LHFPL2: variants seen among roughly 807,000 people sequenced by gnomAD.
LHFPL2 encodes the protein LHFPL tetraspan subfamily member 2 protein.
In LHFPL2, 7 loss-of-function variants were observed where a neutral mutation model predicts 17.5. The observed-to-expected ratio is 0.40, with a 90% CI of 0.23 to 0.75. The LOEUF (loss-of-function observed/expected upper bound fraction) is 0.75. Among genes scored for constraint, LHFPL2 ranks in the 30% least tolerant of loss-of-function variants. The pLI is 0.37. For missense variants in LHFPL2, 241 were observed against 294.8 expected (o/e 0.82, Z 1.34); for synonymous variants, 134 against 116.2 (o/e 1.15, Z -0.99).
Position 78,536,072 on chromosome 5 carries a change from G to A in LHFPL2, c.-185-25674C>T, listed in dbSNP as rs987858894. On this transcript the variant is annotated intron_variant, in intron 3 of 4. Coordinates refer to ENST00000380345, the MANE Select transcript of LHFPL2 (RefSeq NM_005779.3). The stretch of plus-strand genomic sequence containing the variant: ...AGCTTCCATACCAAAGCTAACTAAC[G>A]CTTATCAGGAGCCCATATCAAGAAC... 4.6e-5 allele frequency among the ~76,000 whole-genome samples: 7 copies of A among 152,218 alleles called. No individual in the cohort carries two copies. The South Asian group carries it at 1.0e-3, about 23-fold the overall frequency.
In LHFPL2 at chr5:78,488,365, A is replaced by G. The variant is rs973379219; in HGVS notation, c.*532T>C. 1.2e-5 allele frequency: 2 copies of G among 165,224 alleles called. No homozygotes were observed. The highest frequency in any genetic ancestry group is 2.4e-5 in the African/African-American group (1 of 41,656). 10.2% of individuals were successfully genotyped at this position (165,224 alleles called of 1,614,324 possible). The stretch of plus-strand genomic sequence containing the variant: ...GCCATCCCTGCTGACCCCTTTGGTC[A>G]GCTAAGCAAAAGACAGTGTCTTGCT... On this transcript the variant is annotated 3_prime_UTR_variant, in exon 5 of 5. Transcript: ENST00000380345.
chr5:78,536,739 G>A (rs1755960691), intron 3 of LHFPL2, among the ~76,000 whole-genome samples: 1 of 152,138 alleles, frequency 6.6e-6, no homozygotes, highest in African/African-American at 2.4e-5. Context: ...CCAGCCATAT[G>A]CATTTTTACC....
At position 78,643,372 on chromosome 5, in the gene LHFPL2, G is replaced by A. The variant is rs959698084; in HGVS notation, c.-350+5127C>T. On this transcript the variant is annotated intron_variant, in intron 1 of 4. Coordinates refer to ENST00000380345, the MANE Select transcript of LHFPL2 (RefSeq NM_005779.3). ...ATCTTCTATACCAAAAGAGAATCAA[G>A]TATTTCAAATGCCAGCTAAGACTCT... is the stretch of plus-strand genomic sequence containing the variant. Among the ~76,000 whole-genome samples the A allele has an allele frequency of 2.0e-5, 3 of 152,164 alleles. No homozygotes were observed. The East Asian group carries it at 5.8e-4, about 29-fold the overall frequency.
chr5:78,609,066 A>C (rs1744323381), intron 2 of LHFPL2, among the ~76,000 whole-genome samples: 1 of 152,156 alleles, frequency 6.6e-6, no homozygotes. Context: ...AAATGTTTAT[A>C]CTCTGACTCA....
intron 4 of LHFPL2, among the ~76,000 whole-genome samples, chr5:78,498,634 T>A (rs765577933): frequency 1.8e-4 from 27 of 152,198 alleles, no homozygotes; most frequent in Non-Finnish European, 3.2e-4. Context: ...GCCATTAAGA[T>A]ATTCTCTTCC....
intron 2 of LHFPL2, among the ~76,000 whole-genome samples, chr5:78,565,162 C>T (rs1280070962): frequency 6.6e-6 from 1 of 152,064 alleles, no homozygotes; most frequent in African/African-American, 2.4e-5. Flanking sequence ...ACAAGGGGAC[C>T]AACTTAAAAA....
chr5:78,503,685 C>G (rs892140740), intron 4 of LHFPL2, among the ~76,000 whole-genome samples: 1 of 146,926 alleles, frequency 6.8e-6, no homozygotes, highest in Admixed American at 6.8e-5. Context: ...GCAATAAGAG[C>G]GAAACTCCAT....
At chr5:78,523,375 C>T (rs1755517512) in intron 3 of LHFPL2, among the ~76,000 whole-genome samples, 1 of 152,088 alleles carries the variant, frequency 6.6e-6, no homozygotes, top group South Asian at 2.1e-4. Context: ...GTTAGGCACT[C>T]AGGAGACTTG....
At chr5:78,535,569 C>T (rs913593327) in intron 3 of LHFPL2, among the ~76,000 whole-genome samples, 2 of 152,172 alleles carry the variant, frequency 1.3e-5, no homozygotes, top group African/African-American at 4.8e-5. Context: ...AGGCCCCTCC[C>T]TCACCGTCAG....
chr5:78,512,753 G>A (rs1223397316), intron 3 of LHFPL2, among the ~76,000 whole-genome samples: 1 of 145,638 alleles, frequency 6.9e-6, no homozygotes, highest in Non-Finnish European at 1.5e-5. Flanking sequence ...TCTGTTAAAT[G>A]TAATTTTTCT....
intron 2 of LHFPL2, among the ~76,000 whole-genome samples, chr5:78,579,789 T>A (rs1466963231): frequency 6.6e-6 from 1 of 152,220 alleles, no homozygotes; most frequent in South Asian, 2.1e-4. Flanking sequence ...TTGTGAATAA[T>A]GCCGCAATAA....
rs1754213131 is a variant in LHFPL2, at chr5:78,485,648, A to AGAT, written c.*3246_*3248dup. 1 of 152,628 alleles carries AGAT rather than the reference A, an allele frequency of 6.6e-6. No individual in the cohort carries two copies. 9.5% of individuals were successfully genotyped at this position (152,628 alleles called of 1,614,324 possible). A position where few individuals can be genotyped will look rare whatever the true frequency, so the allele number is the denominator to read the frequency against. On this transcript the variant is annotated 3_prime_UTR_variant, in exon 5 of 5. Coordinates refer to ENST00000380345, the MANE Select transcript of LHFPL2 (RefSeq NM_005779.3). Reference sequence around the variant, plus strand: ...AGACTCTTACAGCTAAGGAGGTGTGAGATTAGCCCTTAAATACTGGTCTAG... The same window carrying AGAT: ...AGACTCTTACAGCTAAGGAGGTGTGAGATGATTAGCCCTTAAATACTGGTCTAG...
intron 2 of LHFPL2, among the ~76,000 whole-genome samples, chr5:78,578,927 C>G (rs1450445134): frequency 1.3e-5 from 2 of 152,300 alleles, no homozygotes; most frequent in South Asian, 2.1e-4. Flanking sequence ...GAGACGCCAA[C>G]CAAGTCTTGC....
intron 1 of LHFPL2, among the ~76,000 whole-genome samples, chr5:78,639,178 TG>T (rs563388413): frequency 4.9e-4 from 74 of 152,170 alleles, no homozygotes; most frequent in African/African-American, 1.6e-3. Flanking sequence ...CCACCACCAT[TG>T]GGGTTCTTAT....
At chr5:78,585,648 T>G (rs964545964) in intron 2 of LHFPL2, among the ~76,000 whole-genome samples, 6 of 152,168 alleles carry the variant, frequency 3.9e-5, no homozygotes, top group African/African-American at 1.2e-4. Flanking sequence ...TCTCAAGGTT[T>G]TAGTTGAGAG....
At chr5:78,622,712 C>A (rs1166648778) in intron 2 of LHFPL2, among the ~76,000 whole-genome samples, 2 of 152,182 alleles carry the variant, frequency 1.3e-5, no homozygotes, top group African/African-American at 4.8e-5. Flanking sequence ...AAAGGGGCTG[C>A]ATTATCACCA....
At position 78,556,136 on chromosome 5, in the gene LHFPL2, T is replaced by C. The variant is rs548553707; in HGVS notation, c.-186+8677A>G. 8.5e-5 allele frequency among the ~76,000 whole-genome samples: 13 copies of C among 152,302 alleles called. No homozygotes were observed. The East Asian group carries it at 2.3e-3, about 27-fold the overall frequency. On this transcript the variant is annotated intron_variant, in intron 3 of 4. Coordinates refer to ENST00000380345, the MANE Select transcript of LHFPL2 (RefSeq NM_005779.3). ...ACAACCAAGAAGCCACATGAGAACT[T>C]TGAGCTGTGTTCTCTTTGATACTTC...
intron 2 of LHFPL2, among the ~76,000 whole-genome samples, chr5:78,599,899 T>A (rs891544941): frequency 6.6e-6 from 1 of 152,146 alleles, no homozygotes; most frequent in Non-Finnish European, 1.5e-5. Context: ...ACATAGTACC[T>A]GAAAAGACAA....
chr5:78,583,361 C>T (rs1285766168), intron 2 of LHFPL2, among the ~76,000 whole-genome samples: 1 of 151,788 alleles, frequency 6.6e-6, no homozygotes, highest in Non-Finnish European at 1.5e-5. Context: ...TTAGTTGATG[C>T]AGTTTCTTCC....
Sources: gnomAD v4.1 joint callset for allele counts (sites outside exome capture counted in the v4.1 genomes callset) on GRCh38, gnomAD v4.1.1 for gene constraint, MANE v1.5 for transcripts, NCBI Gene and HGNC (gene_info 2026-07-23, HGNC 2026-07-21) for gene names.